Variants in DMBT1 observed in about 807,000 individuals in gnomAD.
DMBT1 encodes the protein deleted in malignant brain tumors 1.
DMBT1 carries 198 observed loss-of-function variants against 252.9 expected under a neutral mutation model. That is an observed-to-expected ratio of 0.78 (90% CI 0.70 to 0.88). The LOEUF is 0.88. Among genes scored for constraint, DMBT1 ranks in the 40% least tolerant of loss-of-function variants. The probability of loss-of-function intolerance (pLI) is 0.00; values close to 1 mark genes in which losing one functional copy is unlikely to be tolerated. For synonymous variants in DMBT1, 990 were observed against 942.7 expected (o/e 1.05, Z -0.92); for missense variants, 2,432 against 2,404.7 (o/e 1.01, Z -0.24).
rs753458105 is a variant in DMBT1 at position 122,577,856 on chromosome 10, C to T, written c.637+16C>T. 9.4e-5 allele frequency: 152 copies of T among 1,613,522 alleles called. No homozygotes were observed. The East Asian group carries it at 3.4e-3, about 36-fold the overall frequency. ...CTCAGGCCAGGTGAGTCCCCAGAAT[C>T]CTTCCTCGGGATACCCCTTCTCTTT... On this transcript the variant is annotated intron_variant, in intron 8 of 55. Coordinates refer to ENST00000338354, the MANE Select transcript of DMBT1 (RefSeq NM_001377530.1).
intron 17 of DMBT1, 100 bp downstream of exon 17, chr10:122,589,367 T>C (rs1591332349): frequency 1.3e-6 from 2 of 1,507,956 alleles, no homozygotes; most frequent in Middle Eastern, 3.5e-4. Flanking sequence ...TTTTCAACCT[T>C]TCCTATGTTT....
At chr10:122,590,910 C>G (rs1591345238) in intron 18 of DMBT1, among the ~76,000 whole-genome samples, 1 of 148,024 alleles carries the variant, frequency 6.8e-6, no homozygotes, top group East Asian at 2.1e-4. Context: ...GCCAAAGTCT[C>G]CTGGGAAGGC....
rs768624008 is a variant in DMBT1, at chr10:122,586,256, C to T, written c.1656C>T (p.Gly552=). The change falls in exon 16 of 56, where the codon GGC becomes GGT. Residue 552 remains glycine (G), a synonymous_variant. Transcript: ENST00000338354. ...LAPGNARFGQ[G]SGPIVLDDVR... ...CAGGAAATGCCCGGTTTGGTCAGGG[C>T]TCAGGACCCATTGTCCTGGATGACG... is the stretch of plus-strand genomic sequence containing the variant. 9.4e-6 allele frequency: 15 copies of T among 1,588,710 alleles called. 3 individuals are homozygous for T. The highest frequency in any genetic ancestry group is 1.2e-5 in the Non-Finnish European group (14 of 1,165,924).
intron 4 of DMBT1, among the ~76,000 whole-genome samples, chr10:122,571,384 T>A (rs1168788274): frequency 6.6e-6 from 1 of 152,138 alleles, no homozygotes; most frequent in Non-Finnish European, 1.5e-5. Context: ...GCCAAATATT[T>A]ATCTTCCTAA....
intron 45 of DMBT1, 29 bp from the exon 46 acceptor site, chr10:122,625,904 A>G (rs1488127357): frequency 6.3e-7 from 1 of 1,595,258 alleles, no homozygotes; most frequent in Non-Finnish European, 8.6e-7. Context: ...ATCTACTAAA[A>G]TCCTAAACAG....
chr10:122,619,760 T>C (rs940591459), intron 42 of DMBT1, among the ~76,000 whole-genome samples: 2 of 152,210 alleles, frequency 1.3e-5, no homozygotes, highest in Non-Finnish European at 2.9e-5. Flanking sequence ...GCAGGCCTGA[T>C]ACCTCCGTCC....
chr10:122,578,943 C>T (rs1459260178), intron 9 of DMBT1, among the ~76,000 whole-genome samples, 184 bp downstream of exon 9: 4 of 152,088 alleles, frequency 2.6e-5, no homozygotes, highest in Admixed American at 1.3e-4. Flanking sequence ...AGAGCAGGAC[C>T]TCCCAGAAGA....
At position 122,636,113 on chromosome 10, in the gene DMBT1, T is replaced by C; in HGVS notation, c.6671T>C (p.Met2224Thr). The change falls in exon 53 of 56, where the codon ATG (methionine) becomes ACG (threonine). Residue 2224 changes from methionine to threonine, a missense_variant. Coordinates refer to ENST00000338354, the MANE Select transcript of DMBT1 (RefSeq NM_001377530.1). The part of the protein sequence containing the change: ...RGSFTSSSNF[M>T]SIRFISDHSI... ...TCCTTCACTTCTTCCTCCAACTTCA[T>C]GTCCATTCGCTTCATCAGTGACCAC... 6.2e-7 allele frequency: 1 copy of C among 1,613,978 alleles called. No individual in the cohort carries two copies. Among genetic ancestry groups the C allele is most frequent in the Non-Finnish European group, 8.5e-7 (1 of 1,179,880 alleles).
rs770901296 is a variant in DMBT1, at chr10:122,593,575, A to T, written c.2507A>T (p.Gln836Leu). Residue 836 changes from glutamine to leucine, a missense_variant, in exon 21 of 56, where the codon CAG becomes CTG. Transcript: ENST00000338354. Reference sequence around the variant, plus strand: ...TCTCTTCTCTTTCTCACAGTTTCCCAGTCCCGGCCGACACCCAGTCCAGGT... The same window carrying T: ...TCTCTTCTCTTTCTCACAGTTTCCCTGTCCCGGCCGACACCCAGTCCAGGT... ...EDAGVICSVS[Q>L]SRPTPSPDTW... 1.3e-6 allele frequency: 2 copies of T among 1,586,956 alleles called. No individual in the cohort carries two copies. Among genetic ancestry groups the T allele is most frequent in the South Asian group, 1.1e-5 (1 of 87,070 alleles).
In DMBT1 at chr10:122,626,031, A is replaced by G. The variant is rs938341588; in HGVS notation, c.5668+66A>G. 12 of 1,360,754 alleles carry G rather than the reference A, an allele frequency of 8.8e-6. No individual in the cohort carries two copies. In the East Asian group the frequency reaches 1.6e-4, roughly 18 times the overall value. The allele number at this position is 1,360,754 out of a possible 1,614,324, so 84.3% of individuals were successfully genotyped here. On this transcript the variant is annotated intron_variant, in intron 46 of 55. Transcript: ENST00000338354. ...TTCTTATCCCCAAGCTTGGCTATCC[A>G]TGAGCGAATGCTCTGCCCCACCCCA... is the stretch of plus-strand genomic sequence containing the variant.
At chr10:122,635,048 A>G (rs72836137) in intron 52 of DMBT1, among the ~76,000 whole-genome samples, 4,806 of 152,344 alleles carry the variant, frequency 0.032, 94 homozygotes, top group Non-Finnish European at 0.045. Context: ...CAATACAAAG[A>G]TTGCACTTAA....
intron 42 of DMBT1, among the ~76,000 whole-genome samples, chr10:122,619,630 T>C (rs1366964152): frequency 6.6e-6 from 1 of 152,228 alleles, no homozygotes; most frequent in Non-Finnish European, 1.5e-5. Flanking sequence ...CTTTAGCTCA[T>C]TTATATTCAG....
At chr10:122,562,750 T>G (rs2097559511) in intron 1 of DMBT1, among the ~76,000 whole-genome samples, 1 of 152,268 alleles carries the variant, frequency 6.6e-6, no homozygotes, top group African/African-American at 2.4e-5. Flanking sequence ...CACATGTGCA[T>G]GCATGCCTGT....
chr10:122,591,543 A>G lies in DMBT1; in HGVS notation c.2176+26A>G, dbSNP rs1330022758. The G allele has an allele frequency of 1.9e-6, 3 of 1,572,868 alleles. 1 individual carries two copies. The highest frequency in any genetic ancestry group is 2.6e-6 in the Non-Finnish European group (3 of 1,152,382). On this transcript the variant is annotated intron_variant, in intron 19 of 55. Transcript: ENST00000338354. ...GTAAATAATCCTCTCACCCCTCCCT[A>G]GGGCTCACTCTCTACCTCTGGACAA... is the stretch of plus-strand genomic sequence containing the variant.
chr10:122,619,892 T>C (rs1184962551), intron 42 of DMBT1, among the ~76,000 whole-genome samples: 2 of 152,254 alleles, frequency 1.3e-5, no homozygotes, highest in Non-Finnish European at 2.9e-5. Flanking sequence ...ATCAGGAAAC[T>C]TGATACCCCT....
At chr10:122,600,480 AC>A (rs1486805977) in intron 27 of DMBT1, among the ~76,000 whole-genome samples, 1 of 151,944 alleles carries the variant, frequency 6.6e-6, no homozygotes, top group Non-Finnish European at 1.5e-5. Context: ...CAGGCTCGAT[AC>A]CCCCATCCTT....
At chr10:122,637,779 T>C (rs76566304) in intron 54 of DMBT1, among the ~76,000 whole-genome samples, 14,538 of 152,276 alleles carry the variant, frequency 0.095, 778 homozygotes, top group South Asian at 0.19. Context: ...GGCCTGCACA[T>C]TGCAGTAGGC....
rs1197872500 is a variant in DMBT1, at chr10:122,592,675, C to T, written c.2500+80C>T. 4 of 1,566,732 alleles carry T rather than the reference C, an allele frequency of 2.6e-6. 1 individual carries two copies. The highest frequency in any genetic ancestry group is 3.4e-5 in the Admixed American group (2 of 58,276). ...AAAATCCTAATTACATTCTGATCTC[C>T]TCACTCAAAGATTCTTCTATGTTTC... On this transcript the variant is annotated intron_variant, in intron 20 of 55. Coordinates refer to ENST00000338354, the MANE Select transcript of DMBT1 (RefSeq NM_001377530.1).
intron 43 of DMBT1, 28 bp from the exon 44 acceptor site, chr10:122,621,025 TATGG>T (rs1357441193): frequency 6.2e-7 from 1 of 1,611,822 alleles, no homozygotes; most frequent in Non-Finnish European, 8.5e-7. Flanking sequence ...TCATAATCAG[TATGG>T]ATGAAGGGTT....
Sources: gnomAD v4.1 joint callset for allele counts (sites outside exome capture counted in the v4.1 genomes callset) on GRCh38, gnomAD v4.1.1 for gene constraint, MANE v1.5 for transcripts, NCBI Gene and HGNC (gene_info 2026-07-23, HGNC 2026-07-21) for gene names.